The following SGCZ variants were observed in gnomAD, a reference collection of about 807,000 sequenced individuals.
SGCZ encodes the protein zeta-sarcoglycan.
A neutral mutation model predicts 41.3 loss-of-function variants in SGCZ; 40 were observed. The observed-to-expected ratio is 0.97, with a 90% CI of 0.75 to 1.26. SGCZ has a LOEUF of 1.26. Among genes scored for constraint, SGCZ ranks in the 50% most tolerant of loss-of-function variants. The probability of loss-of-function intolerance (pLI) is 0.00; values close to 1 mark genes in which losing one functional copy is unlikely to be tolerated. For synonymous variants in SGCZ, 206 were observed against 137.5 expected, an observed-to-expected ratio of 1.50 and a Z score of -3.49; for missense variants, 552 against 369.8, an observed-to-expected ratio of 1.49 and a Z score of -4.04.
intron 1 of SGCZ, among the ~76,000 whole-genome samples, chr8:15,026,796 C>T (rs928024411): frequency 6.6e-6 from 1 of 152,158 alleles, no homozygotes. Flanking sequence ...GTGAGAAGCT[C>T]TAGCTTTTAA....
At chr8:14,331,221 A>C (rs1314477151) in intron 2 of SGCZ, among the ~76,000 whole-genome samples, 3 of 152,016 alleles carry the variant, frequency 2.0e-5, no homozygotes, top group Non-Finnish European at 4.4e-5. Context: ...GGAAATATTA[A>C]ATTGTTTCAA....
chr8:14,136,978 C>T (rs778053787), intron 5 of SGCZ, among the ~76,000 whole-genome samples: 9 of 152,152 alleles, frequency 5.9e-5, no homozygotes, highest in Non-Finnish European at 1.0e-4. Flanking sequence ...CAACATTTGT[C>T]GTTCTGCAAT....
intron 2 of SGCZ, among the ~76,000 whole-genome samples, chr8:14,489,354 A>C (rs1250203256): frequency 6.6e-6 from 1 of 152,096 alleles, no homozygotes; most frequent in Non-Finnish European, 1.5e-5. Context: ...TAGGGTCTTC[A>C]AAAAATTAAG....
Position 14,606,412 on chromosome 8 carries a change from G to A in SGCZ, c.40-51486C>T, listed in dbSNP as rs1291181042. On this transcript the variant is annotated intron_variant, in intron 1 of 7. Coordinates refer to ENST00000382080, the MANE Select transcript of SGCZ (RefSeq NM_139167.4). Reference sequence around the variant, plus strand: ...CTCAACAACACAAAACTTGATCTTGGTGCAAGATCAAAACTCTTAGTGCAA... The same window carrying A: ...CTCAACAACACAAAACTTGATCTTGATGCAAGATCAAAACTCTTAGTGCAA... 2.0e-5 allele frequency among the ~76,000 whole-genome samples: 3 copies of A among 152,182 alleles called. No individual in the cohort carries two copies. In the South Asian group the frequency reaches 6.2e-4, roughly 32 times the overall value.
At chr8:14,456,927 C>T (rs762180037) in intron 2 of SGCZ, among the ~76,000 whole-genome samples, 2 of 152,134 alleles carry the variant, frequency 1.3e-5, no homozygotes, top group Admixed American at 1.3e-4. Flanking sequence ...TTTTCAGTGT[C>T]ACATGGCTGT....
intron 1 of SGCZ, among the ~76,000 whole-genome samples, chr8:15,022,299 A>G (rs1803281692): frequency 6.6e-6 from 1 of 152,194 alleles, no homozygotes; most frequent in African/African-American, 2.4e-5. Context: ...TGAGAAATTT[A>G]GATCCAATTT....
chr8:14,405,056 G>T (rs1189965634), intron 2 of SGCZ, among the ~76,000 whole-genome samples: 3 of 152,152 alleles, frequency 2.0e-5, no homozygotes, highest in Admixed American at 1.3e-4. Context: ...CCTCCATGTG[G>T]CCCTTGCTCC....
rs1330188272 is a variant in SGCZ at position 14,635,134 on chromosome 8, A to ATACTT, written c.40-80209_40-80208insAAGTA. On this transcript the variant is annotated intron_variant, in intron 1 of 7. Transcript: ENST00000382080. ...CATATATTTTAACATCAAACTTTTC[A>ATACTT]TTCAAGCTATTCATTCGCAGCTGTC... Among the ~76,000 whole-genome samples the ATACTT allele has an allele frequency of 1.2e-4, 18 of 151,926 alleles. No individual in the cohort carries two copies. In the East Asian group the frequency reaches 3.1e-3, roughly 26 times the overall value.
intron 2 of SGCZ, among the ~76,000 whole-genome samples, chr8:14,531,701 C>T (rs993965596): frequency 1.3e-5 from 2 of 151,812 alleles, no homozygotes; most frequent in Non-Finnish European, 2.9e-5. Flanking sequence ...TTTTTTCTAC[C>T]CCTCAAACCT....
In SGCZ at chr8:14,661,055, A is replaced by G. The variant is rs796133244; in HGVS notation, c.40-106129T>C. 1.1e-4 allele frequency among the ~76,000 whole-genome samples: 17 copies of G among 152,248 alleles called. 1 individual carries two copies. Among genetic ancestry groups the G allele is most frequent in the African/African-American group, 4.1e-4 (17 of 41,546 alleles). Reference sequence around the variant, plus strand: ...GTTCTTCCCAGAATCCCTCTGCCCAAAATTATTTTTTGCTAGATTGCCTGT... The same window carrying G: ...GTTCTTCCCAGAATCCCTCTGCCCAGAATTATTTTTTGCTAGATTGCCTGT... On this transcript the variant is annotated intron_variant, in intron 1 of 7. Transcript: ENST00000382080.
At chr8:14,341,853 C>A (rs1035009079) in intron 2 of SGCZ, among the ~76,000 whole-genome samples, 3 of 152,182 alleles carry the variant, frequency 2.0e-5, no homozygotes, top group Non-Finnish European at 4.4e-5. Flanking sequence ...CTGAAGCCTC[C>A]CAACTATGTG....
intron 1 of SGCZ, among the ~76,000 whole-genome samples, chr8:14,827,532 G>A (rs927920498): frequency 2.0e-5 from 3 of 152,028 alleles, no homozygotes; most frequent in Non-Finnish European, 4.4e-5. Flanking sequence ...TGTCCCATTT[G>A]CCAATTCCAT....
intron 1 of SGCZ, among the ~76,000 whole-genome samples, chr8:14,896,747 G>T (rs1805214598): frequency 6.6e-6 from 1 of 151,924 alleles, no homozygotes; most frequent in South Asian, 2.1e-4. Flanking sequence ...AAAGTGCTGG[G>T]ATTACAGGCG....
At chr8:14,130,502 A>G (rs1803007946) in intron 5 of SGCZ, among the ~76,000 whole-genome samples, 1 of 152,188 alleles carries the variant, frequency 6.6e-6, no homozygotes, top group South Asian at 2.1e-4. Context: ...AATGAATAAA[A>G]CAACAAATAA....
intron 1 of SGCZ, among the ~76,000 whole-genome samples, chr8:14,678,306 C>A (rs1273444804): frequency 1.3e-5 from 2 of 152,024 alleles, no homozygotes; most frequent in African/African-American, 4.8e-5. Flanking sequence ...TGAAAAAGGA[C>A]AATAACCAAA....
intron 1 of SGCZ, among the ~76,000 whole-genome samples, chr8:14,781,234 T>C (rs1211462141): frequency 6.6e-6 from 1 of 152,156 alleles, no homozygotes; most frequent in Non-Finnish European, 1.5e-5. Context: ...ATATAATTAC[T>C]GTTTTTTTCT....
chr8:14,400,209 CTA>C (rs1024794247), intron 2 of SGCZ, among the ~76,000 whole-genome samples: 50 of 152,028 alleles, frequency 3.3e-4, no homozygotes, highest in African/African-American at 1.2e-3. Flanking sequence ...TTTATTTTTA[CTA>C]TAAAATAATA....
chr8:14,528,827 C>CAAAAAAAATAA (rs1803032467), intron 2 of SGCZ, among the ~76,000 whole-genome samples: 1 of 52,700 alleles, frequency 1.9e-5, no homozygotes, highest in Non-Finnish European at 3.3e-5. Context: ...ACGGACCAGC[C>CAAAAAAAATAA]AAAAAAAAAA....
At chr8:14,625,385 T>G (rs1193387635) in intron 1 of SGCZ, among the ~76,000 whole-genome samples, 1 of 152,132 alleles carries the variant, frequency 6.6e-6, no homozygotes, top group African/African-American at 2.4e-5. Context: ...ACAGACAAAT[T>G]GTATTCTCAC....
Sources: allele counts gnomAD v4.1 joint callset (sites outside exome capture counted in the v4.1 genomes callset), GRCh38; gene constraint gnomAD v4.1.1; transcripts MANE v1.5; gene names NCBI Gene and HGNC (gene_info 2026-07-23, HGNC 2026-07-21).